The following NHERF4 variants were observed in gnomAD, a reference collection of about 807,000 sequenced individuals.
The protein encoded by NHERF4 is NHERF family PDZ scaffold protein 4.
At chr11:119,188,060 A>G in the NHERF4 span, 1 of 1,552,476 alleles carries the variant, frequency 6.4e-7, no homozygotes, top group Non-Finnish European at 8.7e-7. Context: ...ACTGCCCACC[A>G]AGCCCCGCTG....
the NHERF4 span, chr11:119,187,982 C>G: frequency 3.2e-6 from 5 of 1,574,878 alleles, no homozygotes; most frequent in Non-Finnish European, 4.3e-6. Flanking sequence ...GGTGGCAGGG[C>G]CAGAGGTGGA....
the NHERF4 span, chr11:119,187,477 GA>G: frequency 6.2e-7 from 1 of 1,613,768 alleles, no homozygotes; most frequent in Non-Finnish European, 8.5e-7. Context: ...CAGAGGGTGC[GA>G]GGGGGCGGCA....
the NHERF4 span, chr11:119,188,446 C>T: frequency 5.7e-5 from 92 of 1,612,764 alleles, no homozygotes; most frequent in African/African-American, 1.6e-4. Context: ...CTGGGGAGAG[C>T]GTGGAGGGGC....
At chr11:119,187,673 G>T in the NHERF4 span, 2 of 1,531,816 alleles carry the variant, frequency 1.3e-6, no homozygotes, top group Non-Finnish European at 1.8e-6. Context: ...GTGTGGAGAA[G>T]TTCACTCACA....
the NHERF4 span, chr11:119,185,586 G>T: frequency 7.1e-7 from 1 of 1,411,566 alleles, no homozygotes; most frequent in South Asian, 1.2e-5. Context: ...GAAGCTTTGG[G>T]ACCAGGGCAC....
chr11:119,186,241 GGTAACCA>G, the NHERF4 span: 66 of 1,613,928 alleles, frequency 4.1e-5, no homozygotes, highest in East Asian at 1.4e-3. This position sits in a 1 kb window ranked among gnomAD's most constrained non-coding sequence, Gnocchi z 4.4. Context: ...CGATCTCCTT[GGTAACCA>G]CTCACTCGGT....
At chr11:119,186,411 A>G in the NHERF4 span, 4 of 1,586,038 alleles carry the variant, frequency 2.5e-6, no homozygotes, top group Admixed American at 1.7e-5. The surrounding 1 kb of genome is among the most constrained non-coding windows in gnomAD (Gnocchi z 4.4). Context: ...TCTGCCAGGC[A>G]CACGGCGAAC....
At chr11:119,186,429 TGGGC>T in the NHERF4 span, 2 of 1,603,124 alleles carry the variant, frequency 1.2e-6, no homozygotes, top group Non-Finnish European at 1.7e-6. This position sits in a 1 kb window ranked among gnomAD's most constrained non-coding sequence, Gnocchi z 4.4. Flanking sequence ...AACCTGTACT[TGGGC>T]TGTGCCCTCT....
chr11:119,188,518 C>T, the NHERF4 span: 12 of 1,602,470 alleles, frequency 7.5e-6, no homozygotes, highest in Non-Finnish European at 8.5e-6. Context: ...CCCTCACTGT[C>T]GTCGACCCTG....
At chr11:119,186,064 T>C in the NHERF4 span, 1 of 1,610,416 alleles carries the variant, frequency 6.2e-7, no homozygotes, top group Non-Finnish European at 8.5e-7. The surrounding 1 kb of genome is among the most constrained non-coding windows in gnomAD (Gnocchi z 4.4). Flanking sequence ...GCTGCCAGCT[T>C]GTACCTGCTT....
At chr11:119,190,133 T>C in the NHERF4 span, 1 of 644,358 alleles carries the variant, frequency 1.6e-6, no homozygotes, top group South Asian at 2.5e-5. The surrounding 1 kb of genome is among the most constrained non-coding windows in gnomAD (Gnocchi z 4.2). Flanking sequence ...GAGATGTCTG[T>C]ATGACAGCCA....
At chr11:119,187,347 A>T in the NHERF4 span, 4 of 1,613,606 alleles carry the variant, frequency 2.5e-6, no homozygotes, top group African/African-American at 5.3e-5. Flanking sequence ...ACGTGGCCCG[A>T]GCTCAGCTGG....
chr11:119,185,919 C>T, the NHERF4 span: 1 of 1,614,088 alleles, frequency 6.2e-7, no homozygotes, highest in Non-Finnish European at 8.5e-7. Flanking sequence ...CTTCTTTGCC[C>T]AGTAGATCTG....
the NHERF4 span, chr11:119,186,556 CA>C: frequency 6.2e-7 from 1 of 1,614,182 alleles, no homozygotes; most frequent in African/African-American, 1.3e-5. The surrounding 1 kb of genome is among the most constrained non-coding windows in gnomAD (Gnocchi z 4.4). Context: ...CCACCTGCAG[CA>C]GGAGCTGGGC....
the NHERF4 span, chr11:119,187,267 C>A: frequency 6.3e-7 from 1 of 1,591,560 alleles, no homozygotes; most frequent in South Asian, 1.1e-5. Flanking sequence ...GCCCTCTGTC[C>A]AGGTGGTACG....
At chr11:119,189,430 T>C in the NHERF4 span, 3 of 1,613,366 alleles carry the variant, frequency 1.9e-6, no homozygotes, top group Non-Finnish European at 2.5e-6. The surrounding 1 kb of genome is among the most constrained non-coding windows in gnomAD (Gnocchi z 5.8). Context: ...GGGTCCCACC[T>C]GGAATGACCT....
At chr11:119,186,795 A>G in the NHERF4 span, 2 of 1,156,890 alleles carry the variant, frequency 1.7e-6, no homozygotes, top group Non-Finnish European at 2.4e-6. The surrounding 1 kb of genome is among the most constrained non-coding windows in gnomAD (Gnocchi z 4.4). Context: ...ACTCCCCCAC[A>G]CCCCAGGATT....
chr11:119,188,225 C>A, the NHERF4 span: 1 of 1,544,544 alleles, frequency 6.5e-7, no homozygotes, highest in Non-Finnish European at 8.7e-7. Flanking sequence ...TTCAGTGCAC[C>A]GAAGAGGTGT....
chr11:119,186,018 A>C, the NHERF4 span: 1 of 1,613,466 alleles, frequency 6.2e-7, no homozygotes, highest in East Asian at 2.2e-5. This position sits in a 1 kb window ranked among gnomAD's most constrained non-coding sequence, Gnocchi z 4.4. Flanking sequence ...CTTCACTGCC[A>C]TTAGCACCTA....
Sources: gnomAD v4.1 joint callset for allele counts on GRCh38, gnomAD v4.1.1 for gene constraint, Gnocchi (gnomAD v3.1) non-coding constraint, MANE v1.5 for transcripts, NCBI Gene and HGNC (gene_info 2026-07-23, HGNC 2026-07-21) for gene names.